The following LRRC7 variants were observed in gnomAD, a reference collection of about 807,000 sequenced individuals.
LRRC7 encodes the protein leucine-rich repeat-containing protein 7.
Under a neutral mutation model 175.7 loss-of-function variants are expected in LRRC7, and 23 were observed. That is an observed-to-expected ratio of 0.13 (90% confidence interval 0.09 to 0.19). The LOEUF (loss-of-function observed/expected upper bound fraction) is 0.19, where lower values mean the gene tolerates loss of function less well. Among genes scored for constraint, LRRC7 ranks in the 10% least tolerant of loss-of-function variants. The probability of loss-of-function intolerance (pLI) is 1.00; values close to 1 mark genes in which losing one functional copy is unlikely to be tolerated. For missense variants in LRRC7, 1,354 were observed against 1,904.7 expected (o/e 0.71, Z 5.38); for synonymous variants, 685 against 680.9 (o/e 1.01, Z -0.09).
At position 69,580,044 on chromosome 1, in the gene LRRC7, C is replaced by T. The variant is rs184326253; in HGVS notation, c.2+11403C>T. On this transcript the variant is annotated intron_variant, in intron 1 of 26. Coordinates refer to ENST00000651989, the MANE Select transcript of LRRC7 (RefSeq NM_001370785.2). ...CATCGTCCTGGTCCATGAACAATCA[C>T]TCTAAATGCAGTCCTCCTGGCACAT... Among the ~76,000 whole-genome samples, 6 of 152,208 alleles carry T rather than the reference C, an allele frequency of 3.9e-5. No individual in the cohort carries two copies. In the East Asian group the frequency reaches 9.7e-4, roughly 25 times the overall value.
intron 4 of LRRC7, among the ~76,000 whole-genome samples, chr1:69,797,281 T>G (rs140948788): frequency 6.6e-6 from 1 of 152,290 alleles, no homozygotes; most frequent in Non-Finnish European, 1.5e-5. Context: ...AATAATACAT[T>G]TAATGGTTTT....
chr1:69,568,695 G>A (rs1423390959), intron 1 of LRRC7, 54 bp downstream of exon 1: 4 of 1,287,956 alleles, frequency 3.1e-6, no homozygotes, highest in African/African-American at 1.6e-5. Flanking sequence ...GCCCGGCCGC[G>A]GCGACCGTAG....
At chr1:69,929,797 A>G (rs1248617092) in intron 7 of LRRC7, among the ~76,000 whole-genome samples, 1 of 152,138 alleles carries the variant, frequency 6.6e-6, no homozygotes. Flanking sequence ...GTGGCCCCCT[A>G]TCCTACTCAG....
rs747695786 is a variant in LRRC7 at position 70,053,067 on chromosome 1, A to G, written c.4152A>G (p.Glu1384=). Residue 1384 remains glutamate (E), a synonymous_variant, in exon 23 of 27, where the codon GAA becomes GAG. Transcript: ENST00000651989. Reference sequence around the variant, plus strand: ...GCAACATTTTAGACAATGGACAAGAAGATGTATCTCCTAGTGGCCAATGGA... The same window carrying G: ...GCAACATTTTAGACAATGGACAAGAGGATGTATCTCCTAGTGGCCAATGGA... ...QQSNILDNGQ[E]DVSPSGQWNP... The G allele has an allele frequency of 6.2e-7, 1 of 1,610,846 alleles. No individual in the cohort carries two copies. Among genetic ancestry groups the G allele is most frequent in the Admixed American group, 1.7e-5 (1 of 59,702 alleles).
intron 8 of LRRC7, among the ~76,000 whole-genome samples, chr1:69,947,912 A>ATC (rs143458771): frequency 1.4e-4 from 22 of 151,764 alleles, no homozygotes; most frequent in African/African-American, 4.1e-4. Context: ...TGCAAATGTG[A>ATC]TCTCTCTCTC....
At chr1:70,076,400 A>C in intron 24 of LRRC7, 102 bp downstream of exon 24, 1 of 1,010,958 alleles carries the variant, frequency 9.9e-7, no homozygotes. Flanking sequence ...ACACAATGCC[A>C]TCACCATGTT....
chr1:69,779,220 A>G (rs1673202118), intron 3 of LRRC7, among the ~76,000 whole-genome samples: 1 of 151,874 alleles, frequency 6.6e-6, no homozygotes. Context: ...AACAAAAGGA[A>G]CCCCCTTCAA....
intron 7 of LRRC7, among the ~76,000 whole-genome samples, chr1:69,927,636 C>G (rs1003667027): frequency 3.9e-5 from 6 of 152,148 alleles, no homozygotes; most frequent in African/African-American, 1.4e-4. Flanking sequence ...ACGTAGTTCT[C>G]GAGCCTTGGC....
intron 2 of LRRC7, among the ~76,000 whole-genome samples, chr1:69,749,962 G>A (rs1046327557): frequency 2.0e-5 from 3 of 151,984 alleles, no homozygotes; most frequent in African/African-American, 7.2e-5. Context: ...TCGGGAGGCT[G>A]AGGCAGGGGA....
chr1:69,751,415 TTGAC>T (rs1669833593), intron 2 of LRRC7, among the ~76,000 whole-genome samples: 2 of 151,912 alleles, frequency 1.3e-5, no homozygotes, highest in African/African-American at 2.4e-5. Flanking sequence ...CTGAATTAGA[TTGAC>T]TGAATGGTAA....
chr1:70,077,237 C>T (rs1662847951), intron 24 of LRRC7, among the ~76,000 whole-genome samples: 1 of 152,112 alleles, frequency 6.6e-6, no homozygotes, highest in Admixed American at 6.5e-5. Flanking sequence ...AACATCTCCT[C>T]TATTTTGTAA....
chr1:69,641,148 T>G (rs1145930), intron 1 of LRRC7, among the ~76,000 whole-genome samples: 31,105 of 151,556 alleles, frequency 0.21, 3,886 homozygotes, highest in South Asian at 0.29. Flanking sequence ...ACTTTTTACA[T>G]TAGGAATAAA....
chr1:69,861,799 C>T (rs1053063933), intron 7 of LRRC7, among the ~76,000 whole-genome samples: 5 of 152,142 alleles, frequency 3.3e-5, no homozygotes, highest in African/African-American at 9.7e-5. Context: ...ATGCCTTATA[C>T]CCCGCAGTGT....
chr1:69,673,373 G>T (rs1659361583), intron 1 of LRRC7, among the ~76,000 whole-genome samples: 2 of 152,166 alleles, frequency 1.3e-5, no homozygotes, highest in Non-Finnish European at 2.9e-5. Context: ...CCTCCTAGCA[G>T]TTGAACACGT....
At chr1:70,081,602 C>T (rs1663214749) in intron 24 of LRRC7, among the ~76,000 whole-genome samples, 1 of 152,224 alleles carries the variant, frequency 6.6e-6, no homozygotes, top group African/African-American at 2.4e-5. Flanking sequence ...ACATTACATG[C>T]TGCAGCCTGC....
chr1:70,075,248 G>A (rs1662686699), intron 23 of LRRC7, among the ~76,000 whole-genome samples: 1 of 152,188 alleles, frequency 6.6e-6, no homozygotes, highest in African/African-American at 2.4e-5. Context: ...ACACAAAACT[G>A]CTTGCTTGGT....
At chr1:69,749,551 CA>C in intron 2 of LRRC7, among the ~76,000 whole-genome samples, 1 of 152,162 alleles carries the variant, frequency 6.6e-6, no homozygotes, top group Non-Finnish European at 1.5e-5. Context: ...TTCTATCAAC[CA>C]AAAAGTTCCA....
intron 1 of LRRC7, among the ~76,000 whole-genome samples, chr1:69,594,004 T>C (rs1646742214): frequency 6.6e-6 from 1 of 152,200 alleles, no homozygotes; most frequent in Non-Finnish European, 1.5e-5. Flanking sequence ...CTGCAGGTAT[T>C]TTTTTCCTTT....
intron 3 of LRRC7, among the ~76,000 whole-genome samples, chr1:69,784,334 GA>G (rs1239990337): frequency 6.6e-6 from 1 of 152,100 alleles, no homozygotes; most frequent in Non-Finnish European, 1.5e-5. Context: ...GAGCATAGGT[GA>G]ACTTTCTTCA....
Sources: allele counts gnomAD v4.1 joint callset (sites outside exome capture counted in the v4.1 genomes callset), GRCh38; gene constraint gnomAD v4.1.1; transcripts MANE v1.5; gene names NCBI Gene and HGNC (gene_info 2026-07-23, HGNC 2026-07-21).